Variants in FNDC3B observed in about 807,000 individuals in gnomAD.
FNDC3B encodes the protein fibronectin type III domain-containing protein 3B.
In FNDC3B, 12 loss-of-function variants were observed where a neutral mutation model predicts 151.5. The observed-to-expected ratio is 0.08, with a 90% confidence interval of 0.05 to 0.13. FNDC3B has a LOEUF of 0.13. Ranked by LOEUF, FNDC3B falls within the 10% of genes least tolerant of loss-of-function variation. FNDC3B has a pLI of 1.00. For synonymous variants in FNDC3B, 528 were observed against 549.0 expected, an observed-to-expected ratio of 0.96 and a Z score of 0.54; for missense variants, 1,214 against 1,505.3, an observed-to-expected ratio of 0.81 and a Z score of 3.20.
At chr3:172,156,898 G>T (rs1441228500) in intron 3 of FNDC3B, among the ~76,000 whole-genome samples, 5 of 152,040 alleles carry the variant, frequency 3.3e-5, no homozygotes, top group African/African-American at 1.2e-4. Context: ...AAGTTTACTT[G>T]TCCTCAATAT....
intron 3 of FNDC3B, among the ~76,000 whole-genome samples, chr3:172,204,588 A>G (rs1725329944): frequency 6.6e-6 from 1 of 152,198 alleles, no homozygotes; most frequent in Non-Finnish European, 1.5e-5. Flanking sequence ...AGGCTAATTG[A>G]TACATATGAA....
chr3:172,224,679 GC>G (rs749341316), intron 3 of FNDC3B, among the ~76,000 whole-genome samples: 2 of 152,134 alleles, frequency 1.3e-5, no homozygotes, highest in Non-Finnish European at 2.9e-5. Flanking sequence ...ACGTTTAAAT[GC>G]AGCACTGGAT....
chr3:172,092,692 GA>G (rs1718900497), intron 1 of FNDC3B, among the ~76,000 whole-genome samples: 1 of 152,222 alleles, frequency 6.6e-6, no homozygotes, highest in Non-Finnish European at 1.5e-5. Flanking sequence ...GGGTGTCCTG[GA>G]AAAGAGGAGG....
At position 172,069,691 on chromosome 3, in the gene FNDC3B, C is replaced by A. The variant is rs146926703; in HGVS notation, c.-29+29920C>A. On this transcript the variant is annotated intron_variant, in intron 1 of 25. Transcript: ENST00000415807. ...TGCTCTGGCCAGGTGGCTCTTGTTT[C>A]AGCTTCACTGGGAGGGAGTTGTGGA... 8.6e-3 allele frequency among the ~76,000 whole-genome samples: 1,309 copies of A among 152,266 alleles called. 11 individuals are homozygous for A. The highest frequency in any genetic ancestry group is 0.012 in the Non-Finnish European group (787 of 68,036).
chr3:172,133,130 T>C (rs1721190179), intron 2 of FNDC3B, among the ~76,000 whole-genome samples: 1 of 152,234 alleles, frequency 6.6e-6, no homozygotes, highest in Non-Finnish European at 1.5e-5. Context: ...GCAGCTTTCT[T>C]CTGTAAGTAT....
chr3:172,250,138 AAAATTT>A (rs1185742587), intron 5 of FNDC3B, among the ~76,000 whole-genome samples: 1 of 152,168 alleles, frequency 6.6e-6, no homozygotes, highest in Non-Finnish European at 1.5e-5. Context: ...AACTGATTTA[AAAATTT>A]AAATTTAACA....
chr3:172,335,062 A>G lies in FNDC3B; in HGVS notation c.1760A>G (p.His587Arg). 1.2e-6 allele frequency: 2 copies of G among 1,601,110 alleles called. No individual in the cohort carries two copies. The highest frequency in any genetic ancestry group is 1.1e-5 in the South Asian group (1 of 90,286). Reference sequence around the variant, plus strand: ...CTTGTCAAAGGCCCAGTTACATCTCATGGCTTTAGTGTCAAATGGGGTATG... The same window carrying G: ...CTTGTCAAAGGCCCAGTTACATCTCGTGGCTTTAGTGTCAAATGGGGTATG... ...RPLVKGPVTS[H>R]GFSVKWDPPK... The change falls in exon 15 of 26, where the codon CAT becomes CGT. Residue 587 changes from histidine (H) to arginine (R), a missense_variant. His to Arg is a conservative substitution (Grantham distance 29, BLOSUM62 0). This residue lies in a region of FNDC3B where 380 missense variants were observed against 420.9 expected (regional missense o/e 0.90). Coordinates refer to ENST00000415807, the MANE Select transcript of FNDC3B (RefSeq NM_022763.4).
chr3:172,164,813 G>T lies in FNDC3B; in HGVS notation c.187+31267G>T, dbSNP rs1461591358. ...AATATATCATCCTGTCAGGTGATTC[G>T]TGTACTGTGTTAGAAAGAAAAGGTA... On this transcript the variant is annotated intron_variant, in intron 3 of 25. Transcript: ENST00000415807. Among the ~76,000 whole-genome samples, 4 of 152,108 alleles carry T rather than the reference G, an allele frequency of 2.6e-5. No homozygotes were observed. In the East Asian group the frequency reaches 7.7e-4, roughly 29 times the overall value.
intron 4 of FNDC3B, among the ~76,000 whole-genome samples, chr3:172,231,181 T>A (rs186997184): frequency 2.0e-5 from 3 of 152,204 alleles, no homozygotes; most frequent in Admixed American, 6.5e-5. Context: ...GAAAACAGTA[T>A]GCTAAGTGAA....
At chr3:172,371,352 T>C (rs1257728531) in intron 23 of FNDC3B, among the ~76,000 whole-genome samples, 1 of 152,098 alleles carries the variant, frequency 6.6e-6, no homozygotes, top group Non-Finnish European at 1.5e-5. Context: ...TCCCCCATTA[T>C]TTTCTATCTG....
At chr3:172,145,811 C>CTT (rs34361134) in intron 3 of FNDC3B, among the ~76,000 whole-genome samples, 22 of 114,174 alleles carry the variant, frequency 1.9e-4, no homozygotes, top group African/African-American at 5.2e-4. Flanking sequence ...AGGTTTCTTT[C>CTT]TTTTTTTTTT....
rs564279256 is a variant in FNDC3B at position 172,299,104 on chromosome 3, C to T, written c.1061+317C>T. Among the ~76,000 whole-genome samples, 5 of 152,330 alleles carry T rather than the reference C, an allele frequency of 3.3e-5. No individual in the cohort carries two copies. In the South Asian group the frequency reaches 1.0e-3, roughly 32 times the overall value. On this transcript the variant is annotated intron_variant, in intron 9 of 25. Transcript: ENST00000415807. ...TGTAAAACAAATGAAACTTTTGTCA[C>T]CATGGGCATATCATTGTTTCTTATA... is the stretch of plus-strand genomic sequence containing the variant.
intron 1 of FNDC3B, among the ~76,000 whole-genome samples, chr3:172,053,893 A>T (rs1716793150): frequency 6.6e-6 from 1 of 152,206 alleles, no homozygotes; most frequent in Non-Finnish European, 1.5e-5. Context: ...GAAAGAAACC[A>T]GAGGATAAAA....
intron 3 of FNDC3B, among the ~76,000 whole-genome samples, chr3:172,168,153 A>C (rs1237352696): frequency 6.6e-6 from 1 of 152,164 alleles, no homozygotes. Flanking sequence ...TTTTACCCTC[A>C]CTTTTCAAAT....
intron 3 of FNDC3B, among the ~76,000 whole-genome samples, chr3:172,134,158 A>G (rs1195124864): frequency 1.3e-5 from 2 of 152,176 alleles, no homozygotes; most frequent in Non-Finnish European, 2.9e-5. Context: ...AGAGTTCAGA[A>G]CCTTATCATC....
intron 8 of FNDC3B, among the ~76,000 whole-genome samples, chr3:172,297,682 G>A (rs372350364): frequency 2.6e-5 from 4 of 151,952 alleles, no homozygotes; most frequent in Admixed American, 6.6e-5. Context: ...CACCGTGTTA[G>A]CCAGGATGGT....
chr3:172,276,507 G>A (rs1358540623), intron 6 of FNDC3B, among the ~76,000 whole-genome samples: 18 of 152,118 alleles, frequency 1.2e-4, no homozygotes, highest in Admixed American at 1.1e-3. Context: ...ATCACCATCT[G>A]GAAACTACCT....
chr3:172,250,911 G>C (rs530556149), intron 5 of FNDC3B, among the ~76,000 whole-genome samples: 1 of 152,222 alleles, frequency 6.6e-6, no homozygotes, highest in South Asian at 2.1e-4. Flanking sequence ...CCGCCTCCAG[G>C]GTTCAAGCGA....
chr3:172,166,608 A>G (rs1723016442), intron 3 of FNDC3B, among the ~76,000 whole-genome samples: 1 of 152,186 alleles, frequency 6.6e-6, no homozygotes, highest in African/African-American at 2.4e-5. Flanking sequence ...AAGAACTCTT[A>G]GCCAGGTACA....
Sources: allele counts gnomAD v4.1 joint callset (sites outside exome capture counted in the v4.1 genomes callset), GRCh38; gene constraint gnomAD v4.1.1; regional missense constraint gnomAD v4.1.1; transcripts MANE v1.5; gene names NCBI Gene and HGNC (gene_info 2026-07-23, HGNC 2026-07-21).